TSPAN33: variants seen among roughly 807,000 people sequenced by gnomAD.
The protein encoded by TSPAN33 is tetraspanin 33, also known as tetraspanin-33.
A neutral mutation model predicts 34.8 loss-of-function variants in TSPAN33; 27 were observed. That is an observed-to-expected ratio of 0.78 (90% CI 0.57 to 1.07). The LOEUF (loss-of-function observed/expected upper bound fraction) is 1.07, where lower values mean the gene tolerates loss of function less well. Among genes scored for constraint, TSPAN33 ranks in the 50% least tolerant of loss-of-function variants. TSPAN33 has a pLI of 0.00. For synonymous variants in TSPAN33, 119 were observed against 124.2 expected (o/e 0.96, Z 0.28); for missense variants, 272 against 324.9 (o/e 0.84, Z 1.25).
intron 1 of TSPAN33, among the ~76,000 whole-genome samples, chr7:129,156,612 G>A (rs1319306431): frequency 3.9e-5 from 6 of 151,906 alleles, no homozygotes; most frequent in African/African-American, 7.3e-5. Flanking sequence ...TCTTTATTTC[G>A]GTGCTCAAAT....
intron 1 of TSPAN33, among the ~76,000 whole-genome samples, chr7:129,150,051 C>G (rs560773668): frequency 6.6e-5 from 10 of 152,354 alleles, no homozygotes; most frequent in Non-Finnish European, 1.5e-4. Context: ...TGGGCAGGGA[C>G]AGGGTTTTGA....
intron 1 of TSPAN33, among the ~76,000 whole-genome samples, chr7:129,147,431 G>A (rs565122579): frequency 2.7e-4 from 41 of 152,262 alleles, no homozygotes; most frequent in Non-Finnish European, 3.8e-4. Flanking sequence ...TACTTTTCAG[G>A]TGTTATTGAA....
rs186126473 is a variant in TSPAN33, at chr7:129,148,177, C to T, written c.102+3095C>T. On this transcript the variant is annotated intron_variant, in intron 1 of 7. Coordinates refer to ENST00000486685, the MANE Select transcript of TSPAN33 (RefSeq NM_178562.5). The surrounding 1 kb of genome is among the most constrained non-coding windows in gnomAD (Gnocchi z 4.2). The stretch of plus-strand genomic sequence containing the variant: ...ATTCAGTGCCGCCCACCTCCTTCCT[C>T]GCTGGTCCTTTTCCCACTCAGGGCA... Among the ~76,000 whole-genome samples, 8 of 152,282 alleles carry T rather than the reference C, an allele frequency of 5.3e-5. No homozygotes were observed. The highest frequency in any genetic ancestry group is 5.2e-4 in the Admixed American group (8 of 15,298).
chr7:129,162,440 C>A lies in TSPAN33; in HGVS notation c.207C>A (p.Ile69=). 2.5e-6 allele frequency: 4 copies of A among 1,613,906 alleles called. No individual in the cohort carries two copies. Among genetic ancestry groups the A allele is most frequent in the Non-Finnish European group, 2.5e-6 (3 of 1,180,018 alleles). The change falls in exon 3 of 8, where the codon ATC becomes ATA. Residue 69 remains isoleucine, a synonymous_variant. Transcript: ENST00000486685. The stretch of plus-strand genomic sequence containing the variant: ...CAGTGGACCCTGCCATCCTGCTGAT[C>A]GTGGTGGGTGTCCTCATGTTCCTGC... The part of the protein sequence containing the change: ...CLAVDPAILL[I]VVGVLMFLLT...
In TSPAN33 at chr7:129,144,777, G is replaced by C. The variant is rs1383075187; in HGVS notation, c.-204G>C. ...CTCGTCCGCTCGCGCTGCCCACCGC[G>C]GCTCCAGCAGCTCCAGGCGCGGTTC... On this transcript the variant is annotated 5_prime_UTR_variant, in exon 1 of 8. Transcript: ENST00000486685. 2 of 149,194 alleles carry C rather than the reference G, an allele frequency of 1.3e-5. No homozygotes were observed. The highest frequency in any genetic ancestry group is 2.4e-5 in the African/African-American group (1 of 40,914). 9.2% of individuals were successfully genotyped at this position (149,194 alleles called of 1,614,324 possible).
intron 1 of TSPAN33, among the ~76,000 whole-genome samples, chr7:129,153,406 T>C (rs540644074): frequency 6.6e-6 from 1 of 152,314 alleles, no homozygotes; most frequent in South Asian, 2.1e-4. Context: ...TTGTGTCACA[T>C]GTATTTTACC....
At chr7:129,164,242 T>A (rs971674889) in intron 4 of TSPAN33, among the ~76,000 whole-genome samples, 1 of 152,218 alleles carries the variant, frequency 6.6e-6, no homozygotes, top group African/African-American at 2.4e-5. Context: ...TCTTGAAATG[T>A]GTCTCTGAAA....
At position 129,164,508 on chromosome 7, in the gene TSPAN33, C is replaced by G; in HGVS notation, c.398C>G (p.Ala133Gly). Residue 133 changes from alanine (A) to glycine (G), a missense_variant, in exon 5 of 8, where the codon GCC becomes GGC. By Grantham distance (60) the Ala-to-Gly change is moderately conservative (BLOSUM62 0). Transcript: ENST00000486685. ...AAAGTGAGTGAGATCATCAACAATG[C>G]CATTGTGCACTACCGAGATGACTTG... The part of the protein sequence containing the change: ...RGKVSEIINN[A>G]IVHYRDDLDL... The G allele has an allele frequency of 2.5e-6, 4 of 1,614,026 alleles. No individual in the cohort carries two copies. Among genetic ancestry groups the G allele is most frequent in the African/African-American group, 1.3e-5 (1 of 75,026 alleles).
In TSPAN33 at chr7:129,164,636, C is replaced by T. The variant is rs1563139045; in HGVS notation, c.459+67C>T. ...GAATGTCATCCCAAGAGATGCCTCA[C>T]CCTCTATGCCTGTGGGGCTCTTCAT... On this transcript the variant is annotated intron_variant, in intron 5 of 7. Transcript: ENST00000486685. 9 of 1,417,438 alleles carry T rather than the reference C, an allele frequency of 6.3e-6. No homozygotes were observed. The East Asian group carries it at 2.0e-4, about 32-fold the overall frequency. The allele number at this position is 1,417,438 out of a possible 1,614,324, so 87.8% of individuals were successfully genotyped here. A position where few individuals can be genotyped will look rare whatever the true frequency, so the allele number is the denominator to read the frequency against.
Position 129,153,354 on chromosome 7 carries a change from G to A in TSPAN33, c.102+8272G>A, listed in dbSNP as rs141338363. Reference sequence around the variant, plus strand: ...GCACAGCCATGTGAATGTACTAAAGGCCACTGAACTGTTTACTTTAAAATG... The same window carrying A: ...GCACAGCCATGTGAATGTACTAAAGACCACTGAACTGTTTACTTTAAAATG... On this transcript the variant is annotated intron_variant, in intron 1 of 7. Transcript: ENST00000486685. 8.0e-3 allele frequency among the ~76,000 whole-genome samples: 1,211 copies of A among 152,234 alleles called. 4 individuals carry two copies. Among genetic ancestry groups the A allele is most frequent in the Non-Finnish European group, 0.012 (841 of 68,018 alleles).
At chr7:129,162,767 C>A in intron 3 of TSPAN33, 66 bp from the exon 4 acceptor site, 1 of 1,567,300 alleles carries the variant, frequency 6.4e-7, no homozygotes, top group South Asian at 1.1e-5. Context: ...CCAGCATCCC[C>A]TTGGCCCTGG....
intron 1 of TSPAN33, among the ~76,000 whole-genome samples, chr7:129,160,782 G>A (rs746212345): frequency 3.9e-5 from 6 of 152,260 alleles, no homozygotes; most frequent in African/African-American, 1.4e-4. Flanking sequence ...GTATGCAACC[G>A]CCCAGGCCTG....
At position 129,148,107 on chromosome 7, in the gene TSPAN33, G is replaced by A. The variant is rs2150619971; in HGVS notation, c.102+3025G>A. On this transcript the variant is annotated intron_variant, in intron 1 of 7. Transcript: ENST00000486685. This position sits in a 1 kb window ranked among gnomAD's most constrained non-coding sequence, Gnocchi z 4.2. Reference sequence around the variant, plus strand: ...TGCAGGACAGCTCCGTGCAGATATTGGGGTGGTGCCTGCTTTCTCAGCTTG... The same window carrying A: ...TGCAGGACAGCTCCGTGCAGATATTAGGGTGGTGCCTGCTTTCTCAGCTTG... Among the ~76,000 whole-genome samples, 1 of 152,290 alleles carries A rather than the reference G, an allele frequency of 6.6e-6. No homozygotes were observed. The highest frequency in any genetic ancestry group is 1.9e-4 in the East Asian group (1 of 5,188).
chr7:129,147,961 A>G (rs1810543215), intron 1 of TSPAN33, among the ~76,000 whole-genome samples: 2 of 152,084 alleles, frequency 1.3e-5, no homozygotes, highest in Admixed American at 6.5e-5. Flanking sequence ...TCCCAGAATC[A>G]TGTTGCTGGG....
At chr7:129,152,560 A>C (rs193107354) in intron 1 of TSPAN33, among the ~76,000 whole-genome samples, 215 of 152,152 alleles carry the variant, frequency 1.4e-3, no homozygotes, top group Non-Finnish European at 2.4e-3. Flanking sequence ...GGTGGCATGC[A>C]CCTGTAATCC....
chr7:129,161,565 C>T (rs1436316350), intron 1 of TSPAN33, 114 bp from the exon 2 acceptor site: 1 of 963,268 alleles, frequency 1.0e-6, no homozygotes, highest in Non-Finnish European at 1.6e-6. Flanking sequence ...GAAAGATGCT[C>T]ACCTTTGGGT....
At position 129,165,849 on chromosome 7, in the gene TSPAN33, G is replaced by T. The variant is rs1245098357; in HGVS notation, c.460-929G>T. On this transcript the variant is annotated intron_variant, in intron 5 of 7. Transcript: ENST00000486685. This position sits in a 1 kb window ranked among gnomAD's most constrained non-coding sequence, Gnocchi z 4.5. ...AGCTTGAATTTGGGAGTTGGAGGTT[G>T]CAGTGAGCCAAGATCATGCCATTGC... Among the ~76,000 whole-genome samples, 1 of 152,124 alleles carries T rather than the reference G, an allele frequency of 6.6e-6. No homozygotes were observed. Among genetic ancestry groups the T allele is most frequent in the African/African-American group, 2.4e-5 (1 of 41,440 alleles).
Position 129,148,280 on chromosome 7 carries a change from T to A in TSPAN33, c.102+3198T>A, listed in dbSNP as rs118061241. Reference sequence around the variant, plus strand: ...CCCTGTGTCTCAGCCCAGGCTTCCCTAGCAGCCATGCCTCAGGGCTCCCAT... The same window carrying A: ...CCCTGTGTCTCAGCCCAGGCTTCCCAAGCAGCCATGCCTCAGGGCTCCCAT... On this transcript the variant is annotated intron_variant, in intron 1 of 7. Coordinates refer to ENST00000486685, the MANE Select transcript of TSPAN33 (RefSeq NM_178562.5). This position sits in a 1 kb window ranked among gnomAD's most constrained non-coding sequence, Gnocchi z 4.2. Among the ~76,000 whole-genome samples the A allele has an allele frequency of 7.7e-3, 1,166 of 152,330 alleles. 6 individuals carry two copies. Among genetic ancestry groups the A allele is most frequent in the Non-Finnish European group, 0.012 (789 of 68,024 alleles).
chr7:129,146,422 T>C (rs889846607), intron 1 of TSPAN33, among the ~76,000 whole-genome samples: 1 of 152,222 alleles, frequency 6.6e-6, no homozygotes, highest in Admixed American at 6.5e-5. Flanking sequence ...CATCTGTGTT[T>C]ATGTCTATAA....
Sources: gnomAD v4.1 joint callset for allele counts (sites outside exome capture counted in the v4.1 genomes callset) on GRCh38, gnomAD v4.1.1 for gene constraint, Gnocchi (gnomAD v3.1) non-coding constraint, MANE v1.5 for transcripts, NCBI Gene and HGNC (gene_info 2026-07-23, HGNC 2026-07-21) for gene names.